Variants in PPP2R3B observed in about 807,000 individuals in gnomAD.
The protein encoded by PPP2R3B is protein phosphatase 2 regulatory subunit B''beta, also known as serine/threonine-protein phosphatase 2A regulatory subunit B'' subunit beta.
In PPP2R3B, 68 loss-of-function variants were observed where a neutral mutation model predicts 72.9. The observed-to-expected ratio is 0.93, with a 90% CI of 0.77 to 1.14. PPP2R3B has a LOEUF of 1.14. PPP2R3B is among the 50% of genes most tolerant of loss of function. The probability of loss-of-function intolerance (pLI) is 0.00; values close to 1 mark genes in which losing one functional copy is unlikely to be tolerated. For missense variants in PPP2R3B, 1,018 were observed against 842.0 expected, an observed-to-expected ratio of 1.21 and a Z score of -2.59; for synonymous variants, 466 against 375.8, an observed-to-expected ratio of 1.24 and a Z score of -2.78.
intron 1 of PPP2R3B, among the ~76,000 whole-genome samples, chrX:369,849 C>A (rs930596606): frequency 2.2e-4 from 34 of 152,370 alleles, no homozygotes; most frequent in Admixed American, 1.2e-3. Flanking sequence ...CAGGAGCCCC[C>A]GCTCTGCAGC....
intron 6 of PPP2R3B, 66 bp from the exon 7 acceptor site, chrX:345,738 G>A: frequency 6.3e-7 from 1 of 1,577,142 alleles, no homozygotes; most frequent in South Asian, 1.2e-5. Context: ...CCGCCTGGCT[G>A]CGGGCGGGGC....
chrX:367,857 A>G (rs1242129248), intron 1 of PPP2R3B, among the ~76,000 whole-genome samples: 1 of 152,028 alleles, frequency 6.6e-6, no homozygotes, highest in Non-Finnish European at 1.5e-5. Flanking sequence ...TTTTTTTTTG[A>G]GATGGAAAAA....
In PPP2R3B at chrX:345,647, G is replaced by T; in HGVS notation, c.905C>A (p.Ala302Glu). 12 of 1,612,858 alleles carry T rather than the reference G, an allele frequency of 7.4e-6. No homozygotes were observed. The highest frequency in any genetic ancestry group is 1.0e-5 in the Non-Finnish European group (12 of 1,179,476). ...GAATTCGGTCAGCTGGTTGATGTCC[G>T]CCTCCTCCTCCAGCAGCGCCACATT... ...LQNVALLEEE[A>E]DINQLTEFFS... is the part of the protein sequence containing the mutation. The change falls in exon 7 of 13, where the codon GCG becomes GAG. Residue 302 changes from alanine to glutamate, a missense_variant. Transcript: ENST00000390665.
At chrX:379,250 TG>T (rs1325116683) in intron 1 of PPP2R3B, among the ~76,000 whole-genome samples, 1 of 151,928 alleles carries the variant, frequency 6.6e-6, no homozygotes, top group African/African-American at 2.4e-5. Context: ...TGTGTGTGTG[TG>T]TGTATGGACC....
chrX:364,466 C>G (rs959575969), intron 1 of PPP2R3B, among the ~76,000 whole-genome samples: 6 of 127,538 alleles, frequency 4.7e-5, no homozygotes, highest in Non-Finnish European at 6.3e-5. Context: ...CTGAGGAGTT[C>G]AAGACCAGCC....
In PPP2R3B at chrX:386,626, C is replaced by A; in HGVS notation, c.66G>T (p.Trp22Cys). 1 of 1,450,378 alleles carries A rather than the reference C, an allele frequency of 6.9e-7. No individual in the cohort carries two copies. The allele number at this position is 1,450,378 out of a possible 1,614,324, so 89.8% of individuals were successfully genotyped here. A position where few individuals can be genotyped will look rare whatever the true frequency, so the allele number is the denominator to read the frequency against. The change falls in exon 1 of 13, where the codon TGG (tryptophan) becomes TGT (cysteine). Residue 22 changes from tryptophan (W) to cysteine (C), a missense_variant. Transcript: ENST00000390665. Reference protein sequence around the residue: ...KMKVDELFLYWLSEASTQRML... With the variant: ...KMKVDELFLYCLSEASTQRML... ...TCCGCTGCGTGCTGGCCTCGCTGAG[C>A]CAGTACAGGAACAGCTCGTCCACCT... is the stretch of plus-strand genomic sequence containing the variant.
At chrX:364,335 C>T (rs1431329073) in intron 1 of PPP2R3B, among the ~76,000 whole-genome samples, 3 of 152,092 alleles carry the variant, frequency 2.0e-5, no homozygotes, top group South Asian at 4.2e-4. Flanking sequence ...GCCGACTCTC[C>T]TGCAGGTTTG....
At chrX:354,307 C>T (rs988162733) in intron 2 of PPP2R3B, among the ~76,000 whole-genome samples, 1 of 150,982 alleles carries the variant, frequency 6.6e-6, no homozygotes, top group Non-Finnish European at 1.5e-5. Context: ...CACACTCAGA[C>T]GTCAGTCAGG....
chrX:338,468 C>G (rs2070949971), intron 12 of PPP2R3B, 136 bp downstream of exon 12: 3 of 873,254 alleles, frequency 3.4e-6, no homozygotes, highest in East Asian at 2.7e-5. Context: ...CCCCGCCCCT[C>G]TGTGTCCGCG....
chrX:379,211 CTGTG>C (rs1297479833), intron 1 of PPP2R3B, among the ~76,000 whole-genome samples: 1 of 147,196 alleles, frequency 6.8e-6, no homozygotes, highest in East Asian at 2.0e-4. Context: ...GTGTATGCAC[CTGTG>C]TATGCACCTG....
intron 1 of PPP2R3B, among the ~76,000 whole-genome samples, chrX:363,783 G>T (rs1447826994): frequency 5.3e-5 from 8 of 151,830 alleles, no homozygotes; most frequent in Non-Finnish European, 1.2e-4. Flanking sequence ...GGAGCCTGCG[G>T]CTCTTCCTCC....
intron 2 of PPP2R3B, among the ~76,000 whole-genome samples, chrX:356,161 C>T (rs1445998983): frequency 4.6e-5 from 7 of 152,216 alleles, no homozygotes; most frequent in African/African-American, 9.6e-5. Context: ...CAGGGGTCAA[C>T]GCTGCTGCCT....
rs759000881 is a variant in PPP2R3B at position 345,354 on chromosome X, A to G, written c.1036+162T>C. On this transcript the variant is annotated intron_variant, in intron 7 of 12. Transcript: ENST00000390665. ...CCAGACACGGGGCAGCGACTGGGGAAGGAGAGGCAGCTGCAGACACAGAGC... is the reference window on the plus strand; with the variant it reads ...CCAGACACGGGGCAGCGACTGGGGAGGGAGAGGCAGCTGCAGACACAGAGC... The G allele has an allele frequency of 6.5e-5, 65 of 1,000,014 alleles. No homozygotes were observed. The Middle Eastern group carries it at 7.1e-4, about 11-fold the overall frequency. 61.9% of individuals were successfully genotyped at this position (1,000,014 alleles called of 1,614,324 possible).
chrX:367,725 G>A (rs866551771), intron 1 of PPP2R3B, among the ~76,000 whole-genome samples: 15 of 152,178 alleles, frequency 9.9e-5, no homozygotes, highest in Admixed American at 1.3e-4. Flanking sequence ...TCAATGCACC[G>A]AGTGCTCTAG....
Position 386,512 on chromosome X carries a change from T to A in PPP2R3B, c.180A>T (p.Thr60=). ...GDGEQPGAWP[T]APLAAPRPSG... ...TGGGCCGGGGGGCGGCGAGCGGGGC[T>A]GTGGGCCAGGCCCCGGGCTGCTCCC... Residue 60 remains threonine, a synonymous_variant, in exon 1 of 13, where the codon ACA becomes ACT. Transcript: ENST00000390665. The A allele has an allele frequency of 2.2e-6, 3 of 1,340,904 alleles. No homozygotes were observed. The highest frequency in any genetic ancestry group is 2.9e-6 in the Non-Finnish European group (3 of 1,043,796). 83.1% of individuals were successfully genotyped at this position (1,340,904 alleles called of 1,614,324 possible). A position where few individuals can be genotyped will look rare whatever the true frequency, so the allele number is the denominator to read the frequency against.
intron 1 of PPP2R3B, among the ~76,000 whole-genome samples, chrX:363,753 C>T (rs1233662670): frequency 9.8e-5 from 15 of 152,396 alleles, no homozygotes; most frequent in East Asian, 3.9e-4. Context: ...TCCCGTCTCT[C>T]GCTGTGGGGG....
At chrX:342,377 G>C (rs1603044134) in intron 7 of PPP2R3B, 1 of 185,792 alleles carries the variant, frequency 5.4e-6, no homozygotes, top group Non-Finnish European at 1.1e-5. Context: ...ACGGGAGGCG[G>C]GAGTGAGACC....
chrX:383,133 T>C (rs1387033971), intron 1 of PPP2R3B, among the ~76,000 whole-genome samples: 2 of 152,218 alleles, frequency 1.3e-5, no homozygotes, highest in East Asian at 3.8e-4. Flanking sequence ...AAGCTGCCTC[T>C]AGCTCTAGTT....
At chrX:376,170 G>T (rs1023926605) in intron 1 of PPP2R3B, among the ~76,000 whole-genome samples, 1 of 150,874 alleles carries the variant, frequency 6.6e-6, no homozygotes, top group Non-Finnish European at 1.5e-5. Context: ...CAGCCTGGGG[G>T]ACAAGAGCGA....
Sources: gnomAD v4.1 joint callset for allele counts (sites outside exome capture counted in the v4.1 genomes callset) on GRCh38, gnomAD v4.1.1 for gene constraint, MANE v1.5 for transcripts, NCBI Gene and HGNC (gene_info 2026-07-23, HGNC 2026-07-21) for gene names.